The following CD70 variants were observed in gnomAD, a reference collection of about 807,000 sequenced individuals.
CD70 encodes the protein CD70 antigen.
CD70 carries 6 observed loss-of-function variants against 9.0 expected under a neutral mutation model. That is an observed-to-expected ratio of 0.67 (90% CI 0.37 to 1.32). CD70 has a LOEUF of 1.32. Ranked by LOEUF, CD70 falls within the 40% of genes most tolerant of loss-of-function variation. The pLI, the probability that CD70 is intolerant of heterozygous loss-of-function variation, is 0.02. For missense variants in CD70, 235 were observed against 258.7 expected (o/e 0.91, Z 0.63); for synonymous variants, 108 against 112.3 (o/e 0.96, Z 0.24).
chr19:6,584,375 C>T (rs1229222734), downstream of CD70, among the ~76,000 whole-genome samples: 1 of 151,524 alleles, frequency 6.6e-6, no homozygotes, highest in African/African-American at 2.4e-5. Context: ...GACGTGGTGG[C>T]GGATTTCTGT....
downstream of CD70, among the ~76,000 whole-genome samples, chr19:6,584,276 G>C (rs939023572): frequency 6.6e-6 from 1 of 151,684 alleles, no homozygotes; most frequent in Non-Finnish European, 1.5e-5. Flanking sequence ...TTGGGAGGCC[G>C]AGGCGGGTGG....
downstream of CD70, chr19:6,585,777 C>T (rs8111615): frequency 1.6e-4 from 66 of 423,728 alleles, 1 homozygote; most frequent in South Asian, 1.6e-3. Flanking sequence ...TCGGTTCAAG[C>T]GATTCTCCTG....
In CD70 at chr19:6,590,950, A is replaced by G. The variant is rs1916145432; in HGVS notation, c.53T>C (p.Val18Ala). Reference protein sequence around the residue: ...CSVRRRPYGCVLRAALVPLVA... With the variant: ...CSVRRRPYGCALRAALVPLVA... ...CAATGGGACCAAAGCAGCCCGCAGGACGCACCCATAGGGCCTGCGCCGCAC... is the reference window on the plus strand; with the variant it reads ...CAATGGGACCAAAGCAGCCCGCAGGGCGCACCCATAGGGCCTGCGCCGCAC... Residue 18 changes from valine (V) to alanine (A), a missense_variant, in exon 1 of 3, where the codon GTC (valine) becomes GCC (alanine). Physicochemically the swap from Val to Ala is moderately conservative, Grantham distance 64. Coordinates refer to ENST00000245903, the MANE Select transcript of CD70 (RefSeq NM_001252.5). This position sits in a 1 kb window ranked among gnomAD's most constrained non-coding sequence, Gnocchi z 5.3. The G allele has an allele frequency of 6.2e-7, 1 of 1,613,700 alleles. No individual in the cohort carries two copies. The highest frequency in any genetic ancestry group is 8.5e-7 in the Non-Finnish European group (1 of 1,179,892).
chr19:6,591,062 A>G lies in CD70; in HGVS notation c.-60T>C, dbSNP rs1347488890. ...GCGATGGGGGCGCGGAGCGCTGCCG[A>G]GAAGGAAGGAAGGAAACTGCAGCCC... On this transcript the variant is annotated 5_prime_UTR_variant, in exon 1 of 3. Coordinates refer to ENST00000245903, the MANE Select transcript of CD70 (RefSeq NM_001252.5). 3 of 1,516,878 alleles carry G rather than the reference A, an allele frequency of 2.0e-6. No individual in the cohort carries two copies. Among genetic ancestry groups the G allele is most frequent in the South Asian group, 1.3e-5 (1 of 76,996 alleles). 94.0% of individuals were successfully genotyped at this position (1,516,878 alleles called of 1,614,324 possible).
At chr19:6,586,795 C>T (rs1423292990) in intron 2 of CD70, among the ~76,000 whole-genome samples, 1 of 130,392 alleles carries the variant, frequency 7.7e-6, no homozygotes, top group Non-Finnish European at 1.6e-5. Context: ...AACCCTGTCT[C>T]AAAAAAAAGG....
chr19:6,591,150 T>C lies in CD70; in HGVS notation c.-148A>G. On this transcript the variant is annotated 5_prime_UTR_variant, in exon 1 of 3. Transcript: ENST00000245903. ...GTCAGGGGACCAGCCTGCCCCTCTC[T>C]GGGGATGTCCGGCCGGTCGAGGGGA... 1.3e-6 allele frequency: 1 copy of C among 751,152 alleles called. No individual in the cohort carries two copies. The highest frequency in any genetic ancestry group is 2.5e-5 in the South Asian group (1 of 40,582). 46.5% of individuals were successfully genotyped at this position (751,152 alleles called of 1,614,324 possible).
downstream of CD70, among the ~76,000 whole-genome samples, chr19:6,584,566 A>G (rs1386917394): frequency 7.2e-5 from 3 of 41,878 alleles, no homozygotes; most frequent in African/African-American, 3.1e-4. Flanking sequence ...TCTGAGTTCC[A>G]AAATGTATTT....
At position 6,590,582 on chromosome 19, in the gene CD70, G is replaced by A. The variant is rs1916135337; in HGVS notation, c.162+259C>T. Among the ~76,000 whole-genome samples, 1 of 152,078 alleles carries A rather than the reference G, an allele frequency of 6.6e-6. No homozygotes were observed. The highest frequency in any genetic ancestry group is 6.5e-5 in the Admixed American group (1 of 15,272). On this transcript the variant is annotated intron_variant, in intron 1 of 2. Transcript: ENST00000245903. This position sits in a 1 kb window ranked among gnomAD's most constrained non-coding sequence, Gnocchi z 5.3. ...CAGCCTCTGAGTCAGCCTGCCGGGGGAACACCAGAGCCGAGTCATCTTCCA... is the reference window on the plus strand; with the variant it reads ...CAGCCTCTGAGTCAGCCTGCCGGGGAAACACCAGAGCCGAGTCATCTTCCA...
downstream of CD70, among the ~76,000 whole-genome samples, chr19:6,584,599 C>T (rs998188030): frequency 1.2e-4 from 17 of 147,182 alleles, no homozygotes; most frequent in African/African-American, 4.3e-4. Context: ...GTGGCTCATG[C>T]CTGTAATCCC....
chr19:6,583,499 G>A (rs1446807870), downstream of CD70: 3 of 618,372 alleles, frequency 4.9e-6, no homozygotes, highest in Admixed American at 2.5e-5. Context: ...AGTTGTTTTG[G>A]TGAATTGTTT....
At chr19:6,584,229 G>A (rs914985743), downstream of CD70, among the ~76,000 whole-genome samples, 4 of 151,354 alleles carry the variant, frequency 2.6e-5, no homozygotes, top group African/African-American at 7.3e-5. Context: ...TGGTATAAGC[G>A]CTAGGCGCGG....
At chr19:6,587,053 TGAGA>T (rs772994396) in intron 2 of CD70, among the ~76,000 whole-genome samples, 103 of 128,894 alleles carry the variant, frequency 8.0e-4, no homozygotes, top group African/African-American at 2.7e-3. Context: ...ACAGAGAGCA[TGAGA>T]GAGAGAGCAT....
intron 2 of CD70, among the ~76,000 whole-genome samples, chr19:6,589,267 A>T (rs1016331438): frequency 1.1e-4 from 9 of 81,556 alleles, no homozygotes; most frequent in East Asian, 4.4e-4. Flanking sequence ...TCTTTCTCTT[A>T]TTTCTTTTTT....
intron 2 of CD70, among the ~76,000 whole-genome samples, chr19:6,588,447 C>T (rs1300733262): frequency 6.6e-6 from 1 of 152,174 alleles, no homozygotes; most frequent in African/African-American, 2.4e-5. Flanking sequence ...CAACAAAGGT[C>T]CCTTCCATTA....
chr19:6,590,261 G>T lies in CD70; in HGVS notation c.163-125C>A. The T allele has an allele frequency of 1.4e-6, 1 of 733,388 alleles. No homozygotes were observed. The highest frequency in any genetic ancestry group is 2.5e-5 in the East Asian group (1 of 39,656). 45.4% of individuals were successfully genotyped at this position (733,388 alleles called of 1,614,324 possible). A position where few individuals can be genotyped will look rare whatever the true frequency, so the allele number is the denominator to read the frequency against. ...CACCTCTCATCCCACGGCGCGCACT[G>T]GTGATTTTATTTCATTTTATTTTTT... On this transcript the variant is annotated intron_variant, in intron 1 of 2. Coordinates refer to ENST00000245903, the MANE Select transcript of CD70 (RefSeq NM_001252.5). This position sits in a 1 kb window ranked among gnomAD's most constrained non-coding sequence, Gnocchi z 5.3.
chr19:6,589,720 A>G (rs1035738923), intron 2 of CD70, among the ~76,000 whole-genome samples: 12 of 148,076 alleles, frequency 8.1e-5, no homozygotes, highest in Admixed American at 4.0e-4. Flanking sequence ...CTCTTCCTCT[A>G]TCTGTCTTTT....
At chr19:6,588,019 T>G (rs1239480999) in intron 2 of CD70, among the ~76,000 whole-genome samples, 4 of 152,148 alleles carry the variant, frequency 2.6e-5, no homozygotes, top group Non-Finnish European at 4.4e-5. Flanking sequence ...CGGCTATATT[T>G]CACGTGTTTC....
At chr19:6,582,232 C>A (rs1434339617), downstream of CD70, among the ~76,000 whole-genome samples, 1 of 151,264 alleles carries the variant, frequency 6.6e-6, no homozygotes, top group Non-Finnish European at 1.5e-5. Flanking sequence ...AACGGGGTTT[C>A]ACCATATTGC....
Position 6,586,348 on chromosome 19 carries a change from A to C in CD70, c.254T>G (p.Phe85Cys). ...WQGGPALGRSFLHGPELDKGQ... is the reference protein window; with the variant it reads ...WQGGPALGRSCLHGPELDKGQ... Reference sequence around the variant, plus strand: ...CTTGTCCAGCTCTGGTCCATGCAGGAAGGAGCGGCCCAGTGCTGGGCCCCC... The same window carrying C: ...CTTGTCCAGCTCTGGTCCATGCAGGCAGGAGCGGCCCAGTGCTGGGCCCCC... Residue 85 changes from phenylalanine to cysteine, a missense_variant, in exon 3 of 3, where the codon TTC becomes TGC. Phe to Cys is a radical substitution (Grantham distance 205, BLOSUM62 -2). Transcript: ENST00000245903. 3.1e-6 allele frequency: 5 copies of C among 1,613,262 alleles called. No individual in the cohort carries two copies. The highest frequency in any genetic ancestry group is 3.4e-6 in the Non-Finnish European group (4 of 1,179,998).
Sources: gnomAD v4.1 joint callset for allele counts (sites outside exome capture counted in the v4.1 genomes callset) on GRCh38, gnomAD v4.1.1 for gene constraint, Gnocchi (gnomAD v3.1) non-coding constraint, MANE v1.5 for transcripts, NCBI Gene and HGNC (gene_info 2026-07-23, HGNC 2026-07-21) for gene names.